Variants in GPHN observed in about 807,000 individuals in gnomAD.
The protein encoded by GPHN is gephyrin.
In GPHN, 17 loss-of-function variants were observed where a neutral mutation model predicts 95.5. That is an observed-to-expected ratio of 0.18 (90% CI 0.12 to 0.27). The LOEUF is 0.27. Ranked by LOEUF, GPHN falls within the 10% of genes least tolerant of loss-of-function variation. GPHN has a pLI of 1.00. For synonymous variants in GPHN, 320 were observed against 322.5 expected, an observed-to-expected ratio of 0.99 and a Z score of 0.08; for missense variants, 660 against 978.1, an observed-to-expected ratio of 0.67 and a Z score of 4.34.
chr14:67,662,620 C>T, the GPHN span: 1 of 1,243,418 alleles, frequency 8.0e-7, no homozygotes, highest in Non-Finnish European at 1.1e-6. Flanking sequence ...AATAAGCTTC[C>T]TATGGCAGGG....
chr14:67,105,686 C>A (rs1011837372), intron 13 of GPHN, among the ~76,000 whole-genome samples: 8 of 152,152 alleles, frequency 5.3e-5, no homozygotes, highest in African/African-American at 1.9e-4. Context: ...CATCAAATAT[C>A]TTGATTCATT....
chr14:66,582,596 C>T (rs2061235451), intron 1 of GPHN, among the ~76,000 whole-genome samples: 1 of 151,436 alleles, frequency 6.6e-6, no homozygotes, highest in African/African-American at 2.4e-5. Context: ...TATGTGTTCT[C>T]ATTGTTCAAT....
chr14:67,106,216 T>C (rs2078032987), intron 13 of GPHN, among the ~76,000 whole-genome samples: 1 of 152,202 alleles, frequency 6.6e-6, no homozygotes, highest in South Asian at 2.1e-4. Context: ...TTTGAAGATG[T>C]TATCTCCTTT....
chr14:66,959,264 T>G (rs2068738152), intron 8 of GPHN, among the ~76,000 whole-genome samples: 1 of 152,124 alleles, frequency 6.6e-6, no homozygotes, highest in Admixed American at 6.5e-5. Context: ...CTGACCTTTG[T>G]GTTTACCTAT....
At chr14:67,390,581 G>A in the GPHN span, 1 of 998,950 alleles carries the variant, frequency 1.0e-6, no homozygotes. Flanking sequence ...AGGATATCCA[G>A]CCAGCTGCCC....
the GPHN span, chr14:67,320,457 C>CTA: frequency 6.9e-7 from 1 of 1,443,804 alleles, no homozygotes. Context: ...CAGAACCTAA[C>CTA]TATATCATGT....
At chr14:67,160,294 A>G (rs72717313) in intron 19 of GPHN, among the ~76,000 whole-genome samples, 7,741 of 152,240 alleles carry the variant, frequency 0.051, 214 homozygotes, top group Middle Eastern at 0.068. Flanking sequence ...ATATGCTATA[A>G]ATTGAAAGAT....
intron 17 of GPHN, among the ~76,000 whole-genome samples, chr14:67,128,569 G>T (rs1261304730): frequency 6.6e-6 from 1 of 152,140 alleles, no homozygotes; most frequent in Non-Finnish European, 1.5e-5. Flanking sequence ...TTTATATGTA[G>T]AAATACCCTA....
chr14:66,921,346 A>G (rs2066204789), intron 6 of GPHN, among the ~76,000 whole-genome samples: 1 of 151,928 alleles, frequency 6.6e-6, no homozygotes, highest in Admixed American at 6.6e-5. Context: ...CCTGATCATT[A>G]GTGATGTTGA....
chr14:66,624,233 A>G (rs1374581344), intron 1 of GPHN, among the ~76,000 whole-genome samples: 4 of 152,230 alleles, frequency 2.6e-5, no homozygotes, highest in Non-Finnish European at 4.4e-5. Flanking sequence ...GGCATAAGAC[A>G]TGTTTACTGG....
Position 66,533,806 on chromosome 14 carries a change from T to C in GPHN, c.64+25215T>C, listed in dbSNP as rs571373201. 2.6e-4 allele frequency among the ~76,000 whole-genome samples: 40 copies of C among 152,354 alleles called. No homozygotes were observed. The East Asian group carries it at 5.0e-3, about 19-fold the overall frequency. The stretch of plus-strand genomic sequence containing the variant: ...GGAGTGAACACAGTTTTGTTACAGT[T>C]ACGCCTTAGGTGACTATCTGGTAAT... On this transcript the variant is annotated intron_variant, in intron 1 of 22. Coordinates refer to ENST00000478722, the MANE Select transcript of GPHN (RefSeq NM_020806.5).
At chr14:66,982,532 A>G (rs2070743678) in intron 9 of GPHN, among the ~76,000 whole-genome samples, 1 of 152,286 alleles carries the variant, frequency 6.6e-6, no homozygotes, top group African/African-American at 2.4e-5. Flanking sequence ...ACTTTGTTAA[A>G]TATATTCTAG....
chr14:67,368,004 A>G, the GPHN span, among the ~76,000 whole-genome samples: 225 of 152,316 alleles, frequency 1.5e-3, 1 homozygote, highest in African/African-American at 5.2e-3. Flanking sequence ...TGTAATCTAT[A>G]GAGGTGACTG....
At chr14:67,608,799 A>G in the GPHN span, among the ~76,000 whole-genome samples, 8 of 152,226 alleles carry the variant, frequency 5.3e-5, no homozygotes, top group African/African-American at 1.2e-4. Flanking sequence ...CTCACATGGT[A>G]CAAGGGGCAA....
intron 3 of GPHN, among the ~76,000 whole-genome samples, chr14:66,816,981 A>C (rs1210908575): frequency 6.6e-6 from 1 of 152,132 alleles, no homozygotes; most frequent in East Asian, 1.9e-4. Flanking sequence ...TTTGCTAAAA[A>C]TTTCTGTAAT....
At chr14:67,537,463 G>A in the GPHN span, among the ~76,000 whole-genome samples, 6 of 150,824 alleles carry the variant, frequency 4.0e-5, no homozygotes, top group Admixed American at 1.3e-4. Context: ...CCAGGAGTTC[G>A]AGACCAGCCT....
intron 1 of GPHN, among the ~76,000 whole-genome samples, chr14:66,666,624 A>G (rs2153381210): frequency 6.6e-6 from 1 of 152,310 alleles, no homozygotes; most frequent in East Asian, 1.9e-4. Context: ...TACTGAAGAA[A>G]TGAATATACC....
intron 2 of GPHN, among the ~76,000 whole-genome samples, chr14:66,719,881 G>A (rs1566865319): frequency 6.6e-6 from 1 of 152,076 alleles, no homozygotes; most frequent in Non-Finnish European, 1.5e-5. Context: ...GATACATTCA[G>A]GTACTACTAG....
intron 9 of GPHN, among the ~76,000 whole-genome samples, chr14:66,974,333 C>T (rs2070051634): frequency 3.3e-5 from 5 of 151,966 alleles, no homozygotes; most frequent in Admixed American, 1.3e-4. Flanking sequence ...GATTTTACCT[C>T]GATTTTTCTT....
Sources: allele counts gnomAD v4.1 joint callset (sites outside exome capture counted in the v4.1 genomes callset), GRCh38; gene constraint gnomAD v4.1.1; transcripts MANE v1.5; gene names NCBI Gene and HGNC (gene_info 2026-07-23, HGNC 2026-07-21).